Variants in FMN2 observed in about 807,000 individuals in gnomAD.
FMN2 encodes the protein formin 2, also known as formin-2.
FMN2 carries 51 observed loss-of-function variants against 142.3 expected under a neutral mutation model. That is an observed-to-expected ratio of 0.36 (90% CI 0.29 to 0.45). The LOEUF (loss-of-function observed/expected upper bound fraction) is 0.45, where lower values mean the gene tolerates loss of function less well. Ranked by LOEUF, FMN2 falls within the 20% of genes least tolerant of loss-of-function variation. The pLI, the probability that FMN2 is intolerant of heterozygous loss-of-function variation, is 1.00. For synonymous variants in FMN2, 882 were observed against 869.8 expected, an observed-to-expected ratio of 1.01 and a Z score of -0.25; for missense variants, 1,936 against 2,122.8, an observed-to-expected ratio of 0.91 and a Z score of 1.73.
intron 16 of FMN2, among the ~76,000 whole-genome samples, chr1:240,456,217 C>T (rs1192081895): frequency 6.6e-6 from 1 of 151,994 alleles, no homozygotes; most frequent in Non-Finnish European, 1.5e-5. Context: ...AATTTTGAGA[C>T]CCAAAAACCT....
intron 16 of FMN2, among the ~76,000 whole-genome samples, chr1:240,463,191 T>C (rs1460436585): frequency 6.9e-6 from 1 of 145,164 alleles, no homozygotes; most frequent in Non-Finnish European, 1.6e-5. Flanking sequence ...GAGGCCAGTC[T>C]GCAGGGTATG....
chr1:240,354,714 A>G (rs1436246200), intron 13 of FMN2, among the ~76,000 whole-genome samples: 3 of 152,344 alleles, frequency 2.0e-5, no homozygotes, highest in African/African-American at 4.8e-5. Flanking sequence ...TAAACTAATG[A>G]CCTGGAAGGG....
At chr1:240,412,816 C>T (rs1674443207) in intron 15 of FMN2, among the ~76,000 whole-genome samples, 1 of 151,860 alleles carries the variant, frequency 6.6e-6, no homozygotes, top group Non-Finnish European at 1.5e-5. Flanking sequence ...CTGGTGAAAG[C>T]CATGCTTTGA....
chr1:240,284,113 T>A (rs1171157309), intron 7 of FMN2, among the ~76,000 whole-genome samples: 1 of 152,172 alleles, frequency 6.6e-6, no homozygotes, highest in Non-Finnish European at 1.5e-5. Context: ...TTTTATCCCC[T>A]GAATCAATGG....
rs988829197 is a variant in FMN2 at position 240,422,814 on chromosome 1, C to G, written c.4911-15247C>G. 3.3e-5 allele frequency among the ~76,000 whole-genome samples: 5 copies of G among 152,198 alleles called. No homozygotes were observed. The South Asian group carries it at 6.2e-4, about 19-fold the overall frequency. On this transcript the variant is annotated intron_variant, in intron 15 of 17. Transcript: ENST00000319653. ...CTGATTCCTAATTTTAGGAACTTTTCTTAGTTACTTGATCTTTGGGATCAG... is the reference window on the plus strand; with the variant it reads ...CTGATTCCTAATTTTAGGAACTTTTGTTAGTTACTTGATCTTTGGGATCAG...
chr1:240,243,641 C>T lies in FMN2; in HGVS notation c.4066-14304C>T, dbSNP rs79852689. Reference sequence around the variant, plus strand: ...TTTTATGCTTTGAAAATATTTTATACTTTACCGAATTTGTTTATCTCAAGT... The same window carrying T: ...TTTTATGCTTTGAAAATATTTTATATTTTACCGAATTTGTTTATCTCAAGT... On this transcript the variant is annotated intron_variant, in intron 6 of 17. Transcript: ENST00000319653. 6.8e-4 allele frequency among the ~76,000 whole-genome samples: 104 copies of T among 152,262 alleles called. No homozygotes were observed. The East Asian group carries it at 0.018, about 26-fold the overall frequency.
At chr1:240,433,641 G>A (rs991273715) in intron 15 of FMN2, among the ~76,000 whole-genome samples, 3 of 152,130 alleles carry the variant, frequency 2.0e-5, no homozygotes, top group African/African-American at 7.2e-5. Flanking sequence ...TCTGTTCCAT[G>A]CATTCAATTG....
chr1:240,092,646 G>C lies in FMN2; in HGVS notation c.537G>C (p.Ser179=). The C allele has an allele frequency of 6.2e-7, 1 of 1,614,088 alleles. No homozygotes were observed. Among genetic ancestry groups the C allele is most frequent in the Non-Finnish European group, 8.5e-7 (1 of 1,180,012 alleles). The change falls in exon 1 of 18, where the codon TCG becomes TCC. Residue 179 remains serine (S), a synonymous_variant. Transcript: ENST00000319653. ...ATGGACAAAGGACCAGCTCGGGCTC[G>C]GACACGGACATCTATAGCTTCCATT... The part of the protein sequence containing the change: ...AQDGQRTSSG[S]DTDIYSFHSA...
At chr1:240,101,491 C>T (rs1040857994) in intron 1 of FMN2, among the ~76,000 whole-genome samples, 8 of 150,468 alleles carry the variant, frequency 5.3e-5, no homozygotes, top group Admixed American at 6.6e-5. Context: ...ACAATAGGAC[C>T]GTGTGTGTGT....
chr1:240,303,140 G>A (rs6699880), intron 8 of FMN2, among the ~76,000 whole-genome samples: 55,330 of 151,896 alleles, frequency 0.36, 10,433 homozygotes, highest in African/African-American at 0.45. Flanking sequence ...GCGCTCTCCT[G>A]CCTCAGATGA....
intron 14 of FMN2, among the ~76,000 whole-genome samples, chr1:240,389,982 G>A (rs559818655): frequency 6.6e-6 from 1 of 152,234 alleles, no homozygotes; most frequent in Admixed American, 6.5e-5. Context: ...ATAAAATAGT[G>A]ATGATGCATT....
intron 13 of FMN2, among the ~76,000 whole-genome samples, chr1:240,340,615 T>C (rs1461393146): frequency 1.3e-5 from 2 of 152,132 alleles, no homozygotes; most frequent in South Asian, 4.1e-4. Context: ...TGTTTTGGAA[T>C]GATAGTTTCA....
At chr1:240,223,920 T>TA (rs1558377594) in intron 6 of FMN2, among the ~76,000 whole-genome samples, 2 of 152,146 alleles carry the variant, frequency 1.3e-5, no homozygotes, top group South Asian at 2.1e-4. Flanking sequence ...GTTAATCTTT[T>TA]AAAAAACACC....
At chr1:240,240,932 TAAA>T (rs1667874252) in intron 6 of FMN2, among the ~76,000 whole-genome samples, 1 of 152,210 alleles carries the variant, frequency 6.6e-6, no homozygotes, top group African/African-American at 2.4e-5. Flanking sequence ...GTTCAAAGAA[TAAA>T]AGATTGTAAT....
At chr1:240,354,298 A>T (rs771457191) in intron 13 of FMN2, among the ~76,000 whole-genome samples, 27 of 152,258 alleles carry the variant, frequency 1.8e-4, no homozygotes, top group Non-Finnish European at 2.9e-4. Context: ...CCAACTGAAG[A>T]ATGGAGGCAA....
chr1:240,397,721 C>T (rs558453153), intron 15 of FMN2, among the ~76,000 whole-genome samples: 2 of 128,818 alleles, frequency 1.6e-5, no homozygotes, highest in East Asian at 2.8e-4. Context: ...ACCTGGGAGG[C>T]GGAGGTTGCA....
At chr1:240,451,044 G>GT (rs1421067508) in intron 16 of FMN2, among the ~76,000 whole-genome samples, 2 of 152,130 alleles carry the variant, frequency 1.3e-5, no homozygotes, top group African/African-American at 4.8e-5. Flanking sequence ...AAGTTGTCTG[G>GT]TTTTTTGTAA....
At chr1:240,299,473 A>G (rs1670116646) in intron 8 of FMN2, among the ~76,000 whole-genome samples, 1 of 152,210 alleles carries the variant, frequency 6.6e-6, no homozygotes, top group African/African-American at 2.4e-5. Context: ...GTAATTTCAG[A>G]AATATTTCTG....
chr1:240,123,839 C>T (rs922547561), intron 2 of FMN2, among the ~76,000 whole-genome samples: 1 of 152,214 alleles, frequency 6.6e-6, no homozygotes, highest in South Asian at 2.1e-4. Context: ...CCTCTTTCCC[C>T]AAGCCCCTGG....
Sources: gnomAD v4.1 joint callset for allele counts (sites outside exome capture counted in the v4.1 genomes callset) on GRCh38, gnomAD v4.1.1 for gene constraint, MANE v1.5 for transcripts, NCBI Gene and HGNC (gene_info 2026-07-23, HGNC 2026-07-21) for gene names.